The following KRTCAP2 variants were observed in gnomAD, a reference collection of about 807,000 sequenced individuals.
KRTCAP2 encodes keratinocyte associated protein 2.
In KRTCAP2, 10 loss-of-function variants were observed where a neutral mutation model predicts 16.5. The ratio of observed to expected loss-of-function variants is 0.60; its 90% CI spans 0.37 to 1.02. The LOEUF (loss-of-function observed/expected upper bound fraction) is 1.02. KRTCAP2 is among the 50% of genes least tolerant of loss of function. The pLI, the probability that KRTCAP2 is intolerant of heterozygous loss-of-function variation, is 0.01. For synonymous variants in KRTCAP2, 68 were observed against 69.8 expected, an observed-to-expected ratio of 0.97 and a Z score of 0.13; for missense variants, 152 against 159.6, an observed-to-expected ratio of 0.95 and a Z score of 0.26.
At chr1:155,169,764 C>A (rs1184093417) in intron 4 of KRTCAP2, 27 bp downstream of exon 4, 3 of 1,572,978 alleles carry the variant, frequency 1.9e-6, no homozygotes, top group Non-Finnish European at 8.7e-7. Flanking sequence ...GAATGCTACA[C>A]CCCTTACCCA....
chr1:155,170,731 T>TGGTGGGGAGGTGGAGAGG, intron 3 of KRTCAP2: 1 of 152,242 alleles, frequency 6.6e-6, no homozygotes, highest in Non-Finnish European at 1.5e-5. Flanking sequence ...GGGCCCCACC[T>TGGTGGGGAGGTGGAGAGG]GCCCAGGTGG....
chr1:155,171,482 A>AAGT, intron 3 of KRTCAP2: 1 of 985,200 alleles, frequency 1.0e-6, no homozygotes, highest in Non-Finnish European at 1.2e-6. Flanking sequence ...TAACAGAGAG[A>AAGT]AGTCCCGGGG....
chr1:155,172,240 G>T, intron 3 of KRTCAP2: 1 of 1,206,968 alleles, frequency 8.3e-7, no homozygotes, highest in Non-Finnish European at 1.0e-6. Context: ...ACTTGGTCCT[G>T]CTGCTTCTTC....
intron 3 of KRTCAP2, chr1:155,171,806 T>A (rs1571718037): frequency 8.7e-6 from 7 of 804,806 alleles, no homozygotes; most frequent in Non-Finnish European, 8.8e-6. Context: ...AGTGATCACA[T>A]CCCTGCACTC....
chr1:155,173,022 G>T, intron 1 of KRTCAP2, 130 bp from the exon 2 acceptor site: 1 of 1,052,670 alleles, frequency 9.5e-7, no homozygotes, highest in Non-Finnish European at 1.4e-6. Flanking sequence ...GCAGCCACAC[G>T]CCCCAACTCC....
intron 1 of KRTCAP2, 149 bp from the exon 2 acceptor site, chr1:155,173,041 C>G (rs1665323066): frequency 1.0e-6 from 1 of 979,386 alleles, no homozygotes; most frequent in South Asian, 1.5e-5. Context: ...CCCCACACCG[C>G]GCGGCAACCC....
intron 3 of KRTCAP2, 147 bp downstream of exon 3, chr1:155,172,418 T>C: frequency 6.7e-7 from 1 of 1,501,114 alleles, no homozygotes; most frequent in Non-Finnish European, 8.9e-7. Context: ...AGGTGCAGAA[T>C]CGAAAAGCGT....
chr1:155,171,554 A>AG, intron 3 of KRTCAP2: 1 of 984,230 alleles, frequency 1.0e-6, no homozygotes, highest in Non-Finnish European at 1.2e-6. Context: ...CAAGTCCTAG[A>AG]GGGGGGCAAA....
intron 3 of KRTCAP2, chr1:155,171,375 C>T (rs1193352872): frequency 1.2e-6 from 1 of 857,830 alleles, no homozygotes; most frequent in Non-Finnish European, 1.4e-6. Context: ...GCTGGGTTCA[C>T]ACCACTGTAC....
Position 155,169,437 on chromosome 1 carries a change from G to A in KRTCAP2, c.*3C>T. On this transcript the variant is annotated 3_prime_UTR_variant, in exon 5 of 5. Transcript: ENST00000295682. ...AAGAATCAACTTTATTGAACATTCA[G>A]GGTCAGTTTCTCTTCTTGCTCTTGC... is the stretch of plus-strand genomic sequence containing the variant. The A allele has an allele frequency of 6.2e-7, 1 of 1,613,760 alleles. No homozygotes were observed. Among genetic ancestry groups the A allele is most frequent in the Non-Finnish European group, 8.5e-7 (1 of 1,179,824 alleles).
chr1:155,173,288 G>A lies in KRTCAP2; in HGVS notation c.-64C>T. On this transcript the variant is annotated 5_prime_UTR_variant, in exon 1 of 5. Transcript: ENST00000295682. ...AGAAAGGCGAGCTGAACCGGGTGCG[G>A]TTAGCTATGCGCATGCGTCAGCGCT... 1 of 1,613,942 alleles carries A rather than the reference G, an allele frequency of 6.2e-7. No homozygotes were observed.
intron 1 of KRTCAP2, 62 bp from the exon 2 acceptor site, chr1:155,172,954 G>C: frequency 6.4e-7 from 1 of 1,571,654 alleles, no homozygotes. Flanking sequence ...CAAGCTACGG[G>C]CAGATCAGCC....
chr1:155,170,170 T>C lies in KRTCAP2; in HGVS notation c.224-313A>G, dbSNP rs1571716407. 3 of 216,260 alleles carry C rather than the reference T, an allele frequency of 1.4e-5. No homozygotes were observed. In the East Asian group the frequency reaches 3.3e-4, roughly 24 times the overall value. The allele number at this position is 216,260 out of a possible 1,614,324, so 13.4% of individuals were successfully genotyped here. A position where few individuals can be genotyped will look rare whatever the true frequency, so the allele number is the denominator to read the frequency against. On this transcript the variant is annotated intron_variant, in intron 3 of 4. Coordinates refer to ENST00000295682, the MANE Select transcript of KRTCAP2 (RefSeq NM_173852.4). ...ACCCATCTCTTAAAAAAAAAAAAAA[T>C]TGAATTAAAAAAAATTTAGCCAGGT...
At chr1:155,172,649 G>A (rs1190217099) in intron 2 of KRTCAP2, 21 bp from the exon 3 acceptor site, 3 of 1,614,072 alleles carry the variant, frequency 1.9e-6, no homozygotes, top group Non-Finnish European at 2.5e-6. Flanking sequence ...GAGTTAAGGA[G>A]TAGGGTGTGC....
At position 155,172,630 on chromosome 1, in the gene KRTCAP2, T is replaced by C; in HGVS notation, c.160-2A>G. On this transcript the variant is annotated splice_acceptor_variant, in intron 2 of 4. Coordinates refer to ENST00000295682, the MANE Select transcript of KRTCAP2 (RefSeq NM_173852.4). LOFTEE classifies it high-confidence loss of function. ...AAGATTCTCCAGATTATTGAAGGCC[T>C]GGTTGAGGGAGTTAAGGAGTAGGGT... 6.2e-7 allele frequency: 1 copy of C among 1,614,188 alleles called. No homozygotes were observed. The highest frequency in any genetic ancestry group is 1.1e-5 in the South Asian group (1 of 91,084).
chr1:155,170,307 T>G (rs1195439589), intron 3 of KRTCAP2: 2 of 131,204 alleles, frequency 1.5e-5, no homozygotes, highest in Admixed American at 1.9e-4. Context: ...ACCACTGCAC[T>G]CCAGCCTGGG....
Position 155,169,424 on chromosome 1 carries a change from T to C in KRTCAP2, c.*16A>G, listed in dbSNP as rs1344911235. 1.2e-6 allele frequency: 2 copies of C among 1,613,248 alleles called. No homozygotes were observed. Among genetic ancestry groups the C allele is most frequent in the Admixed American group, 3.3e-5 (2 of 59,968 alleles). The stretch of plus-strand genomic sequence containing the variant: ...TCACAGAGCTACAAAGAATCAACTT[T>C]ATTGAACATTCAGGGTCAGTTTCTC... On this transcript the variant is annotated 3_prime_UTR_variant, in exon 5 of 5. Transcript: ENST00000295682.
chr1:155,172,086 A>G, intron 3 of KRTCAP2: 2 of 994,170 alleles, frequency 2.0e-6, no homozygotes, highest in South Asian at 8.8e-5. Context: ...CAAACAGGAA[A>G]TAATCTAACA....
intron 3 of KRTCAP2, chr1:155,171,847 CAAAAAAAAAAAAA>C: frequency 1.5e-6 from 1 of 653,214 alleles, no homozygotes; most frequent in Non-Finnish European, 1.7e-6. Flanking sequence ...AGCCTTGTCT[CAAAAAAAAAAAAA>C]AAAAAAAAAG....
Sources: allele counts gnomAD v4.1 joint callset, GRCh38; gene constraint gnomAD v4.1.1; transcripts MANE v1.5; gene names NCBI Gene and HGNC (gene_info 2026-07-23, HGNC 2026-07-21).